Variants in ZNF765 observed in about 807,000 individuals in gnomAD.
ZNF765 encodes the protein zinc finger protein 765.
ZNF765 carries 37 observed loss-of-function variants against 44.7 expected under a neutral mutation model. The observed-to-expected ratio is 0.83, with a 90% CI of 0.64 to 1.09. The LOEUF (loss-of-function observed/expected upper bound fraction) is 1.09. Among genes scored for constraint, ZNF765 ranks in the 50% least tolerant of loss-of-function variants. The pLI is 0.00. For synonymous variants in ZNF765, 201 were observed against 213.7 expected, an observed-to-expected ratio of 0.94 and a Z score of 0.52; for missense variants, 594 against 626.1, an observed-to-expected ratio of 0.95 and a Z score of 0.55.
chr19:53,413,742 C>G (rs530696936), downstream of ZNF765, among the ~76,000 whole-genome samples: 1 of 151,278 alleles, frequency 6.6e-6, no homozygotes, highest in African/African-American at 2.4e-5. Flanking sequence ...CAGTTCACGA[C>G]AGACCCTTGG....
At chr19:53,399,666 CAA>C (rs2085703924) in intron 2 of ZNF765, among the ~76,000 whole-genome samples, 3 of 148,502 alleles carry the variant, frequency 2.0e-5, no homozygotes, top group Admixed American at 6.7e-5. Context: ...GGGCACAGAT[CAA>C]GACTCCATCT....
Position 53,410,486 on chromosome 19 carries a change from C to CA in ZNF765, c.*1360dup. The CA allele has an allele frequency of 2.6e-6, 1 of 380,482 alleles. No homozygotes were observed. Among genetic ancestry groups the CA allele is most frequent in the Non-Finnish European group, 5.3e-6 (1 of 189,002 alleles). The allele number at this position is 380,482 out of a possible 1,614,324, so 23.6% of individuals were successfully genotyped here. A position where few individuals can be genotyped will look rare whatever the true frequency, so the allele number is the denominator to read the frequency against. The stretch of plus-strand genomic sequence containing the variant: ...GCACCTGGCACAACATCCTAGAATT[C>CA]ACATTGGAGAGAAAGCTTACAAGTA... On this transcript the variant is annotated 3_prime_UTR_variant, in exon 4 of 4. Transcript: ENST00000396408.
intron 3 of ZNF765, among the ~76,000 whole-genome samples, chr19:53,402,606 G>A (rs969809181): frequency 2.6e-5 from 4 of 152,060 alleles, no homozygotes; most frequent in Admixed American, 6.6e-5. Flanking sequence ...CTGTCAGCCC[G>A]GGTGGAGTAC....
intron 3 of ZNF765, among the ~76,000 whole-genome samples, chr19:53,418,914 A>G (rs1222747201): frequency 6.9e-6 from 1 of 144,382 alleles, no homozygotes. Context: ...TGGGAGGAAA[A>G]AAAAAAAAAA....
intron 3 of ZNF765, among the ~76,000 whole-genome samples, chr19:53,417,310 T>C (rs1336645154): frequency 2.0e-5 from 3 of 152,086 alleles, no homozygotes. Context: ...GGCCCCAGTG[T>C]GTGTTGTTCC....
intron 2 of ZNF765, among the ~76,000 whole-genome samples, chr19:53,400,567 A>G (rs2085714102): frequency 6.6e-6 from 1 of 151,958 alleles, no homozygotes; most frequent in Non-Finnish European, 1.5e-5. Context: ...TACTTTTTAT[A>G]TTTTTAAAGC....
chr19:53,396,192 G>T (rs2085667595), intron 1 of ZNF765, among the ~76,000 whole-genome samples: 1 of 151,990 alleles, frequency 6.6e-6, no homozygotes, highest in South Asian at 2.1e-4. Context: ...GGAGAACAGA[G>T]GGAGAAGCAC....
At chr19:53,400,498 A>G (rs531471615) in intron 2 of ZNF765, among the ~76,000 whole-genome samples, 5 of 152,056 alleles carry the variant, frequency 3.3e-5, no homozygotes, top group Non-Finnish European at 5.9e-5. Flanking sequence ...CCTGTCCCCA[A>G]CTGCCAATGT....
At position 53,411,642 on chromosome 19, in the gene ZNF765, G is replaced by T. The variant is rs1600061754; in HGVS notation, c.*2515G>T. 1.3e-5 allele frequency: 2 copies of T among 152,310 alleles called. No homozygotes were observed. The highest frequency in any genetic ancestry group is 3.9e-4 in the East Asian group (2 of 5,182). 9.4% of individuals were successfully genotyped at this position (152,310 alleles called of 1,614,324 possible). A position where few individuals can be genotyped will look rare whatever the true frequency, so the allele number is the denominator to read the frequency against. ...CCGTGTTGAATCTAAATCACATTGG[G>T]TTATATAATCATTTAACAATATTAA... On this transcript the variant is annotated 3_prime_UTR_variant, in exon 4 of 4. Transcript: ENST00000396408.
At chr19:53,397,241 A>G (rs1351943303) in intron 1 of ZNF765, among the ~76,000 whole-genome samples, 8 of 152,212 alleles carry the variant, frequency 5.3e-5, no homozygotes, top group Non-Finnish European at 1.2e-4. Flanking sequence ...CTAGGCTAGG[A>G]GGTAGTCGAA....
At chr19:53,396,226 T>TA (rs1455223428) in intron 1 of ZNF765, among the ~76,000 whole-genome samples, 5 of 151,110 alleles carry the variant, frequency 3.3e-5, no homozygotes, top group African/African-American at 9.9e-5. Flanking sequence ...CCTGGGGATC[T>TA]GGGGTGCTAG....
At chr19:53,405,903 CTATATATATATATATATATA>C (rs10675178) in intron 3 of ZNF765, among the ~76,000 whole-genome samples, 1,028 of 49,192 alleles carry the variant, frequency 0.021, 56 homozygotes, top group African/African-American at 0.04. Context: ...TTAATACCAA[CTATATATATATATATATATA>C]TATATATATA....
At position 53,402,248 on chromosome 19, in the gene ZNF765, CTTTTTTTTT is replaced by C. The variant is rs72582439; in HGVS notation, c.142+75_142+83del. On this transcript the variant is annotated intron_variant, in intron 3 of 3. Coordinates refer to ENST00000396408, the MANE Select transcript of ZNF765 (RefSeq NM_001040185.3). ...CTTGCGTATCTTTGTATTTTCTCTCCTTTTTTTTTTTTTTTTTTTTTTTTTTGAGATGGA... is the reference window on the plus strand; with the variant it reads ...CTTGCGTATCTTTGTATTTTCTCTCCTTTTTTTTTTTTTTTTTGAGATGGA... 2.0e-3 allele frequency: 2,481 copies of C among 1,255,344 alleles called. 5 individuals carry two copies. The highest frequency in any genetic ancestry group is 3.5e-3 in the Admixed American group (111 of 32,006). 77.8% of individuals were successfully genotyped at this position (1,255,344 alleles called of 1,614,324 possible).
chr19:53,421,561 C>G (rs915367629), intron 3 of ZNF765, among the ~76,000 whole-genome samples: 2 of 152,124 alleles, frequency 1.3e-5, no homozygotes, highest in Non-Finnish European at 2.9e-5. Flanking sequence ...GTTACCCGGG[C>G]TGGAGTGCAG....
intron 3 of ZNF765, among the ~76,000 whole-genome samples, chr19:53,419,947 G>A (rs1190069881): frequency 6.6e-6 from 1 of 151,936 alleles, no homozygotes; most frequent in African/African-American, 2.4e-5. Flanking sequence ...TTGAACCCAG[G>A]AAGGCGAAGG....
intron 1 of ZNF765, among the ~76,000 whole-genome samples, chr19:53,396,747 G>GT: frequency 6.7e-6 from 1 of 148,458 alleles, no homozygotes; most frequent in East Asian, 1.9e-4. Context: ...TTGCCTGTTA[G>GT]TTTTTTGGAG....
rs1355889879 is a variant in ZNF765 at position 53,411,741 on chromosome 19, G to GT, written c.*2615dup. The GT allele has an allele frequency of 6.6e-6, 1 of 152,204 alleles. No individual in the cohort carries two copies. The highest frequency in any genetic ancestry group is 6.5e-5 in the Admixed American group (1 of 15,272). The allele number at this position is 152,204 out of a possible 1,614,324, so 9.4% of individuals were successfully genotyped here. On this transcript the variant is annotated 3_prime_UTR_variant, in exon 4 of 4. Transcript: ENST00000396408. Reference sequence around the variant, plus strand: ...TTGATCAATGTTTGTAGATTTCAAGGTAAAAACCTCTGACCTTTTTACGTT... The same window carrying GT: ...TTGATCAATGTTTGTAGATTTCAAGGTTAAAAACCTCTGACCTTTTTACGTT...
Position 53,407,881 on chromosome 19 carries a change from A to G in ZNF765, c.326A>G (p.His109Arg). Residue 109 changes from histidine to arginine, a missense_variant, in exon 4 of 4, where the codon CAT becomes CGT. Coordinates refer to ENST00000396408, the MANE Select transcript of ZNF765 (RefSeq NM_001040185.3). ...FQWQEDERNG[H>R]EALMTKIKKL... ...TGGCAAGAAGATGAAAGAAATGGCCATGAAGCACTCATGACAAAAATCAAA... is the reference window on the plus strand; with the variant it reads ...TGGCAAGAAGATGAAAGAAATGGCCGTGAAGCACTCATGACAAAAATCAAA... 4 of 1,613,956 alleles carry G rather than the reference A, an allele frequency of 2.5e-6. No individual in the cohort carries two copies. The highest frequency in any genetic ancestry group is 2.5e-6 in the Non-Finnish European group (3 of 1,179,920).
At chr19:53,405,900 C>T in intron 3 of ZNF765, among the ~76,000 whole-genome samples, 1 of 45,048 alleles carries the variant, frequency 2.2e-5, no homozygotes, top group Admixed American at 3.5e-4. Flanking sequence ...TAATTAATAC[C>T]AACTATATAT....
Sources: allele counts gnomAD v4.1 joint callset (sites outside exome capture counted in the v4.1 genomes callset), GRCh38; gene constraint gnomAD v4.1.1; transcripts MANE v1.5; gene names NCBI Gene and HGNC (gene_info 2026-07-23, HGNC 2026-07-21).